The following SHISA9 variants were observed in gnomAD, a reference collection of about 807,000 sequenced individuals.
SHISA9 encodes protein shisa-9.
Under a neutral mutation model 38.0 loss-of-function variants are expected in SHISA9, and 13 were observed. That is an observed-to-expected ratio of 0.34 (90% confidence interval 0.22 to 0.54). The LOEUF (loss-of-function observed/expected upper bound fraction) is 0.54, where lower values mean the gene tolerates loss of function less well. Among genes scored for constraint, SHISA9 ranks in the 20% least tolerant of loss-of-function variants. SHISA9 has a pLI of 0.91. For synonymous variants in SHISA9, 275 were observed against 242.0 expected, an observed-to-expected ratio of 1.14 and a Z score of -1.27; for missense variants, 538 against 575.8, an observed-to-expected ratio of 0.93 and a Z score of 0.67.
intron 2 of SHISA9, among the ~76,000 whole-genome samples, chr16:13,088,612 G>A (rs931452482): frequency 6.6e-6 from 1 of 151,912 alleles, no homozygotes; most frequent in African/African-American, 2.4e-5. Context: ...TTGGTTGTCT[G>A]TCTGTTAATG....
chr16:13,346,471 T>G, the SHISA9 span, among the ~76,000 whole-genome samples: 1 of 152,188 alleles, frequency 6.6e-6, no homozygotes, highest in Admixed American at 6.5e-5. Flanking sequence ...AATGTACCAA[T>G]TTTTGACAAT....
chr16:13,344,184 G>A, the SHISA9 span, among the ~76,000 whole-genome samples: 5 of 152,212 alleles, frequency 3.3e-5, no homozygotes, highest in Non-Finnish European at 5.9e-5. Context: ...AACCCACTGA[G>A]TGTGAATCAC....
At chr16:13,311,437 A>G in the SHISA9 span, among the ~76,000 whole-genome samples, 3 of 152,142 alleles carry the variant, frequency 2.0e-5, no homozygotes, top group Non-Finnish European at 4.4e-5. Context: ...TAGCTTTTAC[A>G]AATATACGTC....
chr16:13,458,005 A>G, the SHISA9 span, among the ~76,000 whole-genome samples: 5 of 143,618 alleles, frequency 3.5e-5, no homozygotes, highest in African/African-American at 5.2e-5. Context: ...TCCTTCTTCA[A>G]TTATCTCAAT....
At chr16:13,267,407 G>A in the SHISA9 span, among the ~76,000 whole-genome samples, 1 of 152,188 alleles carries the variant, frequency 6.6e-6, no homozygotes, top group Non-Finnish European at 1.5e-5. Flanking sequence ...ACTGATGGGG[G>A]TGTGGTGAAA....
At chr16:13,196,718 G>A (rs1042943112) in intron 2 of SHISA9, among the ~76,000 whole-genome samples, 3 of 152,202 alleles carry the variant, frequency 2.0e-5, no homozygotes, top group African/African-American at 7.2e-5. Flanking sequence ...TGGGTCTGGA[G>A]GATACAGGAA....
intron 2 of SHISA9, among the ~76,000 whole-genome samples, chr16:13,052,214 G>C (rs2073260215): frequency 6.6e-6 from 1 of 152,218 alleles, no homozygotes; most frequent in East Asian, 1.9e-4. Flanking sequence ...TGTGGTGTCA[G>C]ACAAGTTAGA....
At chr16:13,333,019 T>C in the SHISA9 span, among the ~76,000 whole-genome samples, 2 of 152,164 alleles carry the variant, frequency 1.3e-5, no homozygotes, top group Non-Finnish European at 2.9e-5. Flanking sequence ...CAAGACTTCT[T>C]CTCTCAGCAA....
chr16:13,423,916 A>T, the SHISA9 span, among the ~76,000 whole-genome samples: 14 of 152,228 alleles, frequency 9.2e-5, no homozygotes, highest in Non-Finnish European at 7.3e-5. Flanking sequence ...GCCAACAAGG[A>T]CGCATTGAGT....
chr16:13,001,279 C>G (rs1276005941), intron 2 of SHISA9, among the ~76,000 whole-genome samples: 1 of 152,164 alleles, frequency 6.6e-6, no homozygotes, highest in Non-Finnish European at 1.5e-5. Context: ...GGCACAGACT[C>G]CAGATCGCCA....
chr16:12,908,733 C>G (rs1287637573), intron 1 of SHISA9: 1 of 1,440,166 alleles, frequency 6.9e-7, no homozygotes, highest in Non-Finnish European at 9.1e-7. Flanking sequence ...AAGATGAAGT[C>G]TAGGAATGCT....
chr16:13,521,938 C>T, the SHISA9 span, among the ~76,000 whole-genome samples: 381 of 152,282 alleles, frequency 2.5e-3, 1 homozygote, highest in African/African-American at 8.2e-3. Context: ...AAGTTAACTT[C>T]ATTATTTAAC....
At chr16:13,433,107 A>C in the SHISA9 span, among the ~76,000 whole-genome samples, 1 of 53,188 alleles carries the variant, frequency 1.9e-5, no homozygotes, top group Non-Finnish European at 4.1e-5. Context: ...TTGAAAATGA[A>C]AAAAAAAAAG....
At chr16:13,457,534 T>C in the SHISA9 span, among the ~76,000 whole-genome samples, 8 of 151,952 alleles carry the variant, frequency 5.3e-5, no homozygotes, top group African/African-American at 1.9e-4. Flanking sequence ...GCTCACAGCC[T>C]AAGTTTTGAA....
intron 2 of SHISA9, among the ~76,000 whole-genome samples, chr16:13,147,389 T>C (rs1419417896): frequency 2.6e-5 from 4 of 151,666 alleles, no homozygotes; most frequent in Non-Finnish European, 5.9e-5. Context: ...CTAGAAACTT[T>C]AAGGCTAGGG....
At chr16:13,055,319 C>G (rs2073297807) in intron 2 of SHISA9, among the ~76,000 whole-genome samples, 1 of 152,156 alleles carries the variant, frequency 6.6e-6, no homozygotes, top group Non-Finnish European at 1.5e-5. Flanking sequence ...AGTCTGTGCC[C>G]ATAACCACAG....
the SHISA9 span, among the ~76,000 whole-genome samples, chr16:13,348,981 G>C: frequency 2.0e-5 from 3 of 152,038 alleles, no homozygotes; most frequent in Non-Finnish European, 4.4e-5. Flanking sequence ...TCCAAACACT[G>C]TTCCCTCATG....
At chr16:13,472,860 TTTTACTA>T in the SHISA9 span, among the ~76,000 whole-genome samples, 1 of 152,222 alleles carries the variant, frequency 6.6e-6, no homozygotes, top group Non-Finnish European at 1.5e-5. Flanking sequence ...GTCCATGTCT[TTTTACTA>T]TTTCCCACGT....
the SHISA9 span, among the ~76,000 whole-genome samples, chr16:13,562,223 G>A: frequency 6.6e-6 from 1 of 152,214 alleles, no homozygotes; most frequent in Non-Finnish European, 1.5e-5. Context: ...CAGGTATTAT[G>A]AATCAGAGAA....
Sources: gnomAD v4.1 joint callset for allele counts (sites outside exome capture counted in the v4.1 genomes callset) on GRCh38, gnomAD v4.1.1 for gene constraint, MANE v1.5 for transcripts, NCBI Gene and HGNC (gene_info 2026-07-23, HGNC 2026-07-21) for gene names.